TTPA: variants seen among roughly 807,000 people sequenced by gnomAD.
The protein encoded by TTPA is alpha tocopherol transfer protein.
A neutral mutation model predicts 25.9 loss-of-function variants in TTPA; 23 were observed. The observed-to-expected ratio is 0.89, with a 90% CI of 0.64 to 1.26. The LOEUF (loss-of-function observed/expected upper bound fraction) is 1.26, where lower values mean the gene tolerates loss of function less well. Ranked by LOEUF, TTPA falls within the 50% of genes most tolerant of loss-of-function variation. TTPA has a pLI of 0.00. For missense variants in TTPA, 337 were observed against 353.1 expected (o/e 0.95, Z 0.37); for synonymous variants, 148 against 137.3 (o/e 1.08, Z -0.54).
chr8:63,083,578 A>T (rs1005578353), intron 1 of TTPA, among the ~76,000 whole-genome samples: 1 of 151,428 alleles, frequency 6.6e-6, no homozygotes, highest in Non-Finnish European at 1.5e-5. Flanking sequence ...TGGCACATGT[A>T]TATCTATGTA....
intron 4 of TTPA, among the ~76,000 whole-genome samples, chr8:63,061,629 C>T (rs1805308847): frequency 6.6e-6 from 1 of 152,078 alleles, no homozygotes; most frequent in Non-Finnish European, 1.5e-5. Context: ...CTTACTGTTT[C>T]TTGGATTTGC....
chr8:63,080,691 G>C (rs1805647396), intron 1 of TTPA, among the ~76,000 whole-genome samples: 1 of 148,254 alleles, frequency 6.7e-6, no homozygotes, highest in Admixed American at 6.8e-5. Flanking sequence ...CTGCACTCCA[G>C]CCTGGGTGAC....
chr8:63,080,387 T>C (rs574179760), intron 1 of TTPA, among the ~76,000 whole-genome samples: 2 of 152,148 alleles, frequency 1.3e-5, no homozygotes, highest in South Asian at 4.2e-4. Context: ...TAGAAGCTGG[T>C]TTTTTGAAAC....
At position 63,061,137 on chromosome 8, in the gene TTPA, A is replaced by C; in HGVS notation, c.*115T>G. ...CATGTCAGAAGATTTCTACATTTTTAAAGTTCAGGCAAGCATTAGTTTAAA... is the reference window on the plus strand; with the variant it reads ...CATGTCAGAAGATTTCTACATTTTTCAAGTTCAGGCAAGCATTAGTTTAAA... On this transcript the variant is annotated 3_prime_UTR_variant, in exon 5 of 5. Coordinates refer to ENST00000260116, the MANE Select transcript of TTPA (RefSeq NM_000370.3). 9.0e-7 allele frequency: 1 copy of C among 1,111,174 alleles called. No homozygotes were observed. The highest frequency in any genetic ancestry group is 2.5e-5 in the East Asian group (1 of 39,500). 68.8% of individuals were successfully genotyped at this position (1,111,174 alleles called of 1,614,324 possible).
downstream of TTPA, among the ~76,000 whole-genome samples, chr8:63,058,703 T>C (rs923107112): frequency 1.6e-5 from 2 of 125,144 alleles, no homozygotes; most frequent in African/African-American, 3.6e-5. Flanking sequence ...CTATTTACTA[T>C]GGAACCTATC....
Position 63,081,076 on chromosome 8 carries a change from G to C in TTPA, c.204+4742C>G, listed in dbSNP as rs183700165. Among the ~76,000 whole-genome samples the C allele has an allele frequency of 9.2e-5, 14 of 151,578 alleles. No individual in the cohort carries two copies. In the East Asian group the frequency reaches 2.7e-3, roughly 29 times the overall value. ...CTAACAGAGGTACAAAAAGGAGCTG[G>C]TACCATTCCTTCTGAAACTATTCCA... On this transcript the variant is annotated intron_variant, in intron 1 of 4. Coordinates refer to ENST00000260116, the MANE Select transcript of TTPA (RefSeq NM_000370.3).
chr8:63,070,813 C>T (rs1805471388), intron 2 of TTPA, among the ~76,000 whole-genome samples: 3 of 152,160 alleles, frequency 2.0e-5, no homozygotes, highest in African/African-American at 4.8e-5. Flanking sequence ...AGAGCCAAGA[C>T]ATTTACAAAA....
intron 4 of TTPA, 32 bp from the exon 5 acceptor site, chr8:63,061,457 C>T (rs752997771): frequency 1.2e-5 from 20 of 1,601,994 alleles, no homozygotes; most frequent in East Asian, 2.2e-5. Context: ...AGAAGGAAAC[C>T]GCATTAGATG....
chr8:63,082,819 G>C (rs1471165883), intron 1 of TTPA, among the ~76,000 whole-genome samples: 2 of 152,168 alleles, frequency 1.3e-5, no homozygotes, highest in African/African-American at 4.8e-5. Context: ...ATCAAAAAGT[G>C]GGTGAAGGAT....
intron 2 of TTPA, among the ~76,000 whole-genome samples, chr8:63,066,838 CAAAGAGAGGG>C (rs1805398573): frequency 6.6e-6 from 1 of 152,054 alleles, no homozygotes; most frequent in Non-Finnish European, 1.5e-5. Context: ...CATACACACA[CAAAGAGAGGG>C]AAACCAAACT....
intron 2 of TTPA, among the ~76,000 whole-genome samples, chr8:63,067,988 A>T (rs1174688826): frequency 6.6e-6 from 1 of 152,214 alleles, no homozygotes; most frequent in Non-Finnish European, 1.5e-5. Flanking sequence ...GTGTACACGC[A>T]GTACCATTTA....
rs1476322104 is a variant in TTPA at position 63,061,086 on chromosome 8, A to C, written c.*166T>G. 4 of 693,966 alleles carry C rather than the reference A, an allele frequency of 5.8e-6. No individual in the cohort carries two copies. The highest frequency in any genetic ancestry group is 9.5e-6 in the Non-Finnish European group (4 of 422,156). 43.0% of individuals were successfully genotyped at this position (693,966 alleles called of 1,614,324 possible). ...GAGAAAAAAGCATTTAAAAAGTAAA[A>C]AATCTTTCCAAACACCTGTGTTGCT... On this transcript the variant is annotated 3_prime_UTR_variant, in exon 5 of 5. Transcript: ENST00000260116.
chr8:63,061,407 T>C lies in TTPA; in HGVS notation c.682A>G (p.Asn228Asp). 1.2e-6 allele frequency: 2 copies of C among 1,613,994 alleles called. No homozygotes were observed. Among genetic ancestry groups the C allele is most frequent in the Non-Finnish European group, 1.7e-6 (2 of 1,179,958 alleles). The change falls in exon 5 of 5, where the codon AAC becomes GAC. Residue 228 changes from asparagine to aspartate, a missense_variant. Coordinates refer to ENST00000260116, the MANE Select transcript of TTPA (RefSeq NM_000370.3). ...TGCTGAAGCAAGCTTTGTTTGTAGTTGTTCCCATGCATGTGAATCTGAAAT... is the reference window on the plus strand; with the variant it reads ...TGCTGAAGCAAGCTTTGTTTGTAGTCGTTCCCATGCATGTGAATCTGAAAT... The part of the protein sequence containing the change: ...IKERIHMHGN[N>D]YKQSLLQHFP...
At chr8:63,064,094 G>T (rs555428090) in intron 4 of TTPA, 112 bp downstream of exon 4, 2 of 711,680 alleles carry the variant, frequency 2.8e-6, no homozygotes, top group South Asian at 1.8e-5. Context: ...AAAATATTGG[G>T]CTAATGATAT....
At position 63,074,585 on chromosome 8, in the gene TTPA, G is replaced by T. The variant is rs930305488; in HGVS notation, c.205-1497C>A. Among the ~76,000 whole-genome samples, 3 of 152,256 alleles carry T rather than the reference G, an allele frequency of 2.0e-5. 1 individual carries two copies. The East Asian group carries it at 5.8e-4, about 29-fold the overall frequency. ...GCATGAGAACAACAGGCACATTGTA[G>T]GTCCTAATATCTTCATTCTACTCTA... On this transcript the variant is annotated intron_variant, in intron 1 of 4. Coordinates refer to ENST00000260116, the MANE Select transcript of TTPA (RefSeq NM_000370.3).
At position 63,065,929 on chromosome 8, in the gene TTPA, G is replaced by A; in HGVS notation, c.527C>T (p.Ala176Val). The A allele has an allele frequency of 1.2e-6, 2 of 1,614,044 alleles. No individual in the cohort carries two copies. Among genetic ancestry groups the A allele is most frequent in the Middle Eastern group, 1.6e-4 (1 of 6,062 alleles). Residue 176 changes from alanine to valine, a missense_variant, in exon 3 of 5, where the codon GCC becomes GTC. Physicochemically the swap from Ala to Val is moderately conservative, Grantham distance 64. Coordinates refer to ENST00000260116, the MANE Select transcript of TTPA (RefSeq NM_000370.3). The stretch of plus-strand genomic sequence containing the variant: ...CGTAAGTACAGCAGCAATCTTCTTG[G>A]CTACGGATGGAGTGATTTGAAAAGC... ...SHAFQITPSV[A>V]KKIAAVLTDS...
At position 63,080,737 on chromosome 8, in the gene TTPA, A is replaced by AAT. The variant is rs1554524624; in HGVS notation, c.204+5080_204+5081insAT. Among the ~76,000 whole-genome samples, 637 of 132,814 alleles carry AAT rather than the reference A, an allele frequency of 4.8e-3. 3 individuals are homozygous for AAT. Among genetic ancestry groups the AAT allele is most frequent in the African/African-American group, 0.019 (599 of 30,962 alleles). 87.1% of individuals were successfully genotyped at this position (132,814 alleles called of 152,430 possible). The stretch of plus-strand genomic sequence containing the variant: ...TCCGTATCAAAAAAAAAAAAAAAAT[A>AAT]AATAATAATAATAATAAAGAAGAAA... On this transcript the variant is annotated intron_variant, in intron 1 of 4. Coordinates refer to ENST00000260116, the MANE Select transcript of TTPA (RefSeq NM_000370.3).
At chr8:63,063,391 C>A (rs1342834676) in intron 4 of TTPA, among the ~76,000 whole-genome samples, 1 of 152,156 alleles carries the variant, frequency 6.6e-6, no homozygotes, top group Non-Finnish European at 1.5e-5. Flanking sequence ...AATCCAGTAT[C>A]TTTGCTCTAA....
At position 63,085,891 on chromosome 8, in the gene TTPA, G is replaced by C; in HGVS notation, c.131C>G (p.Pro44Arg). 6.5e-7 allele frequency: 1 copy of C among 1,530,412 alleles called. No individual in the cohort carries two copies. The highest frequency in any genetic ancestry group is 8.7e-7 in the Non-Finnish European group (1 of 1,143,844). The allele number at this position is 1,530,412 out of a possible 1,614,324, so 94.8% of individuals were successfully genotyped here. A position where few individuals can be genotyped will look rare whatever the true frequency, so the allele number is the denominator to read the frequency against. ...RAREAGVPLA[P>R]LPLTDSFLLR... ...CAGGAAGGAGTCGGTGAGCGGCAGC[G>C]GCGCGAGCGGGACGCCAGCTTCCCG... The change falls in exon 1 of 5, where the codon CCG becomes CGG. Residue 44 changes from proline to arginine, a missense_variant. Coordinates refer to ENST00000260116, the MANE Select transcript of TTPA (RefSeq NM_000370.3).
Sources: allele counts gnomAD v4.1 joint callset (sites outside exome capture counted in the v4.1 genomes callset), GRCh38; gene constraint gnomAD v4.1.1; transcripts MANE v1.5; gene names NCBI Gene and HGNC (gene_info 2026-07-23, HGNC 2026-07-21).